ENOX1: variants seen among roughly 807,000 people sequenced by gnomAD.
ENOX1 encodes ecto-NOX disulfide-thiol exchanger 1, also known as candidate growth-related and time keeping constitutive hydroquinone (NADH) oxidase.
Under a neutral mutation model 82.5 loss-of-function variants are expected in ENOX1, and 42 were observed. That is an observed-to-expected ratio of 0.51 (90% CI 0.40 to 0.66). The LOEUF (loss-of-function observed/expected upper bound fraction) is 0.66, where lower values mean the gene tolerates loss of function less well. Ranked by LOEUF, ENOX1 falls within the 30% of genes least tolerant of loss-of-function variation. ENOX1 has a pLI of 0.00. For missense variants in ENOX1, 608 were observed against 811.6 expected, an observed-to-expected ratio of 0.75 and a Z score of 3.05; for synonymous variants, 271 against 282.2, an observed-to-expected ratio of 0.96 and a Z score of 0.40.
intron 12 of ENOX1, among the ~76,000 whole-genome samples, chr13:43,282,883 G>C (rs180938968): frequency 7.2e-4 from 108 of 150,882 alleles, no homozygotes; most frequent in African/African-American, 2.5e-3. Flanking sequence ...ACGAGGTCAG[G>C]AGTTTGAGAC....
intron 2 of ENOX1, among the ~76,000 whole-genome samples, chr13:43,574,896 TGGAGAGACAC>T (rs2080346272): frequency 6.6e-6 from 1 of 152,182 alleles, no homozygotes; most frequent in Non-Finnish European, 1.5e-5. Context: ...GGCATCCATG[TGGAGAGACAC>T]CAAATGTCAT....
At chr13:43,373,478 A>C (rs2051385341) in intron 5 of ENOX1, among the ~76,000 whole-genome samples, 1 of 152,160 alleles carries the variant, frequency 6.6e-6, no homozygotes, top group East Asian at 1.9e-4. Context: ...ACTTGTTCCT[A>C]TGTTTGGCAT....
At chr13:43,403,606 G>A (rs534090168) in intron 5 of ENOX1, among the ~76,000 whole-genome samples, 1 of 152,288 alleles carries the variant, frequency 6.6e-6, no homozygotes, top group South Asian at 2.1e-4. Flanking sequence ...ACTTTGGGAG[G>A]CTGAGGCGGG....
intron 2 of ENOX1, among the ~76,000 whole-genome samples, chr13:43,543,246 A>G (rs1165238351): frequency 6.6e-6 from 1 of 152,074 alleles, no homozygotes; most frequent in Non-Finnish European, 1.5e-5. Flanking sequence ...GAATAAAGAG[A>G]GGAGGGGAAA....
chr13:43,262,881 A>T (rs1261764706), intron 14 of ENOX1, among the ~76,000 whole-genome samples: 3 of 152,200 alleles, frequency 2.0e-5, no homozygotes, highest in Non-Finnish European at 4.4e-5. Context: ...ACAAATGAGG[A>T]AGGTGAAGTT....
intron 9 of ENOX1, among the ~76,000 whole-genome samples, chr13:43,341,654 G>A (rs940756503): frequency 7.9e-5 from 12 of 152,164 alleles, no homozygotes; most frequent in African/African-American, 2.9e-4. Flanking sequence ...GACATGACCT[G>A]ATTTGTATCA....
rs140882575 is a variant in ENOX1, at chr13:43,265,485, C to A, written c.1555-31G>T. 11 of 1,586,052 alleles carry A rather than the reference C, an allele frequency of 6.9e-6. No homozygotes were observed. The Admixed American group carries it at 8.7e-5, about 12-fold the overall frequency. ...AATTTTAAGGAAAAACAACACAAAA[C>A]AAAAAAATGAATAAGCAAGCAAATC... On this transcript the variant is annotated intron_variant, in intron 13 of 16. Transcript: ENST00000690772.
rs2041272875 is a variant in ENOX1, at chr13:43,213,317, C to A, written c.*673G>T. On this transcript the variant is annotated 3_prime_UTR_variant, in exon 17 of 17. Transcript: ENST00000690772. ...TGTTATGCAGTCCATGTTAAAAGAACTTATGATGGAGAATTGTTACATTAG... is the reference window on the plus strand; with the variant it reads ...TGTTATGCAGTCCATGTTAAAAGAAATTATGATGGAGAATTGTTACATTAG... 6.6e-6 allele frequency among the ~76,000 whole-genome samples: 1 copy of A among 152,030 alleles called. No homozygotes were observed. The highest frequency in any genetic ancestry group is 2.4e-5 in the African/African-American group (1 of 41,412).
intron 11 of ENOX1, among the ~76,000 whole-genome samples, chr13:43,305,993 G>T (rs543568802): frequency 2.0e-5 from 3 of 152,186 alleles, no homozygotes; most frequent in African/African-American, 7.2e-5. Context: ...CAGCCCAGCC[G>T]CAGGAAGAGC....
intron 2 of ENOX1, chr13:43,548,154 A>T (rs1057480254): frequency 6.6e-6 from 1 of 152,242 alleles, no homozygotes; most frequent in Non-Finnish European, 1.5e-5. Flanking sequence ...ATTTGAACAC[A>T]TTAGAAAAAG....
intron 2 of ENOX1, among the ~76,000 whole-genome samples, chr13:43,539,705 C>G (rs1406257226): frequency 1.3e-5 from 2 of 152,030 alleles, no homozygotes; most frequent in Non-Finnish European, 2.9e-5. Context: ...ATTATTTAAA[C>G]TTTCTAAATG....
At chr13:43,536,807 AG>A (rs2078480210) in intron 2 of ENOX1, among the ~76,000 whole-genome samples, 1 of 152,240 alleles carries the variant, frequency 6.6e-6, no homozygotes, top group Non-Finnish European at 1.5e-5. Context: ...GGGCAGTCCT[AG>A]TGGTATATTT....
intron 3 of ENOX1, among the ~76,000 whole-genome samples, chr13:43,468,340 C>T (rs910378331): frequency 6.6e-6 from 1 of 151,936 alleles, no homozygotes; most frequent in Admixed American, 6.6e-5. Context: ...TGCCACCACA[C>T]CCAGCTAATT....
At chr13:43,708,269 C>T (rs1014861572) in intron 1 of ENOX1, among the ~76,000 whole-genome samples, 5 of 152,152 alleles carry the variant, frequency 3.3e-5, no homozygotes, top group African/African-American at 1.2e-4. Flanking sequence ...CAGCCCCTCC[C>T]AAGTGCGGAC....
chr13:43,563,176 C>T (rs1362765442), intron 2 of ENOX1, among the ~76,000 whole-genome samples: 7 of 151,990 alleles, frequency 4.6e-5, no homozygotes. Context: ...AAAATAAAAT[C>T]ACATCAAGTA....
chr13:43,241,635 TAATA>T (rs779392339), intron 14 of ENOX1, among the ~76,000 whole-genome samples: 2 of 152,222 alleles, frequency 1.3e-5, no homozygotes, highest in African/African-American at 2.4e-5. Flanking sequence ...GGAGATTACC[TAATA>T]AATCTTTTCT....
At chr13:43,711,244 T>C (rs2087686521) in intron 1 of ENOX1, among the ~76,000 whole-genome samples, 1 of 152,098 alleles carries the variant, frequency 6.6e-6, no homozygotes, top group South Asian at 2.1e-4. Flanking sequence ...ACAAAGGACA[T>C]GAACTCATCA....
At chr13:43,217,594 A>G (rs9533430) in intron 16 of ENOX1, among the ~76,000 whole-genome samples, 33,262 of 152,140 alleles carry the variant, frequency 0.22, 4,194 homozygotes, top group Non-Finnish European at 0.29. Context: ...TCATTAAACA[A>G]GCAAGTGCCC....
chr13:43,428,055 C>G (rs1020449208), intron 3 of ENOX1, among the ~76,000 whole-genome samples: 26 of 152,286 alleles, frequency 1.7e-4, no homozygotes, highest in Non-Finnish European at 3.4e-4. Flanking sequence ...CCATGGCAAT[C>G]AGGACCTGAA....
Sources: gnomAD v4.1 joint callset for allele counts (sites outside exome capture counted in the v4.1 genomes callset) on GRCh38, gnomAD v4.1.1 for gene constraint, MANE v1.5 for transcripts, NCBI Gene and HGNC (gene_info 2026-07-23, HGNC 2026-07-21) for gene names.